The following ULK4 variants were observed in gnomAD, a reference collection of about 807,000 sequenced individuals.
ULK4 encodes the protein unc-51 like kinase 4.
ULK4 carries 133 observed loss-of-function variants against 160.6 expected under a neutral mutation model. That is an observed-to-expected ratio of 0.83 (90% CI 0.72 to 0.96). ULK4 has a LOEUF of 0.96. ULK4 is among the 40% of genes least tolerant of loss of function. The pLI, the probability that ULK4 is intolerant of heterozygous loss-of-function variation, is 0.00. For synonymous variants in ULK4, 534 were observed against 539.8 expected (o/e 0.99, Z 0.15); for missense variants, 1,580 against 1,499.5 (o/e 1.05, Z -0.89).
intron 30 of ULK4, among the ~76,000 whole-genome samples, chr3:41,628,177 C>T (rs750808649): frequency 5.9e-5 from 9 of 152,174 alleles, no homozygotes; most frequent in Non-Finnish European, 7.3e-5. Flanking sequence ...TACAAACTGT[C>T]ACAGGTCTAT....
At chr3:41,798,756 G>A (rs2040372535) in intron 20 of ULK4, among the ~76,000 whole-genome samples, 2 of 151,834 alleles carry the variant, frequency 1.3e-5, no homozygotes, top group South Asian at 4.2e-4. Flanking sequence ...TTGTTGAGGG[G>A]GCAGGGGTGG....
intron 22 of ULK4, among the ~76,000 whole-genome samples, chr3:41,752,950 T>G (rs772373709): frequency 2.5e-4 from 38 of 152,196 alleles, no homozygotes; most frequent in Non-Finnish European, 4.3e-4. Flanking sequence ...TGGTGGCTCA[T>G]GCCTGTAATC....
At chr3:41,773,172 G>A (rs1226014622) in intron 21 of ULK4, among the ~76,000 whole-genome samples, 1 of 152,170 alleles carries the variant, frequency 6.6e-6, no homozygotes, top group Admixed American at 6.5e-5. Context: ...AGACAGGGAT[G>A]CCCTCTCTCA....
At chr3:41,488,480 C>T (rs555881832) in intron 32 of ULK4, among the ~76,000 whole-genome samples, 250 of 152,326 alleles carry the variant, frequency 1.6e-3, no homozygotes, top group African/African-American at 5.7e-3. Flanking sequence ...TTACTTTTAA[C>T]TTCATACGCT....
intron 35 of ULK4, among the ~76,000 whole-genome samples, chr3:41,360,562 A>C (rs2081121790): frequency 6.6e-6 from 1 of 152,248 alleles, no homozygotes; most frequent in African/African-American, 2.4e-5. Flanking sequence ...TGGTACATAT[A>C]CACCATGTAA....
intron 29 of ULK4, among the ~76,000 whole-genome samples, chr3:41,671,862 C>G (rs576704695): frequency 6.5e-4 from 98 of 151,908 alleles, no homozygotes; most frequent in Non-Finnish European, 1.1e-3. Flanking sequence ...AGGAACTCAA[C>G]TCAGCAGTAA....
chr3:41,559,320 G>C lies in ULK4; in HGVS notation c.3226+6705C>G, dbSNP rs193039887. On this transcript the variant is annotated intron_variant, in intron 32 of 36. Transcript: ENST00000301831. ...GTTCCAAGTCTTGCTATTGTGAATA[G>C]TGCTGCAATAAACATACGTGTGCAT... Among the ~76,000 whole-genome samples, 5 of 130,914 alleles carry C rather than the reference G, an allele frequency of 3.8e-5. No homozygotes were observed. The East Asian group carries it at 8.7e-4, about 23-fold the overall frequency. 85.9% of individuals were successfully genotyped at this position (130,914 alleles called of 152,430 possible). A position where few individuals can be genotyped will look rare whatever the true frequency, so the allele number is the denominator to read the frequency against.
At chr3:41,690,062 C>G (rs564540471) in intron 27 of ULK4, among the ~76,000 whole-genome samples, 3 of 147,680 alleles carry the variant, frequency 2.0e-5, no homozygotes, top group East Asian at 1.9e-4. Flanking sequence ...CAATGATAGA[C>G]TGGATTAAGA....
chr3:41,437,012 T>C (rs2083051909), intron 34 of ULK4, among the ~76,000 whole-genome samples: 2 of 152,350 alleles, frequency 1.3e-5, no homozygotes, highest in Admixed American at 1.3e-4. Context: ...TAAAGTTTTA[T>C]GCTCTGCTAA....
chr3:41,695,918 T>C (rs535884343), intron 27 of ULK4, among the ~76,000 whole-genome samples: 42 of 152,168 alleles, frequency 2.8e-4, no homozygotes, highest in South Asian at 1.2e-3. Flanking sequence ...TGAGGGGACA[T>C]AGTGAGAAGT....
chr3:41,267,020 G>T (rs182842169), intron 35 of ULK4, among the ~76,000 whole-genome samples: 2,042 of 131,004 alleles, frequency 0.016, 112 homozygotes, highest in Admixed American at 0.097. Flanking sequence ...GTCTCTATTG[G>T]GGGGGGGGGG....
At chr3:41,354,364 G>A (rs1480609752) in intron 35 of ULK4, among the ~76,000 whole-genome samples, 2 of 152,116 alleles carry the variant, frequency 1.3e-5, no homozygotes, top group East Asian at 1.9e-4. Flanking sequence ...CGTGACAGGG[G>A]CTTCTTTTCC....
At chr3:41,944,582 T>C (rs1279460487) in intron 2 of ULK4, among the ~76,000 whole-genome samples, 1 of 152,120 alleles carries the variant, frequency 6.6e-6, no homozygotes, top group Non-Finnish European at 1.5e-5. Flanking sequence ...CTCTACCTTC[T>C]CCCACTCCCT....
intron 32 of ULK4, among the ~76,000 whole-genome samples, chr3:41,496,249 A>G (rs1348874036): frequency 2.0e-5 from 3 of 152,154 alleles, no homozygotes; most frequent in African/African-American, 7.2e-5. Context: ...TTCAAATTGG[A>G]AACACAATAA....
intron 21 of ULK4, among the ~76,000 whole-genome samples, chr3:41,769,917 C>A (rs532292478): frequency 1.1e-4 from 17 of 152,192 alleles, no homozygotes; most frequent in African/African-American, 4.1e-4. Flanking sequence ...TGATAACAGC[C>A]TGAAAGAAAA....
At chr3:41,584,881 G>A (rs991873693) in intron 31 of ULK4, among the ~76,000 whole-genome samples, 3 of 151,960 alleles carry the variant, frequency 2.0e-5, no homozygotes, top group African/African-American at 4.8e-5. Flanking sequence ...TGAAGAAGAA[G>A]TAAAGAAAAC....
intron 29 of ULK4, among the ~76,000 whole-genome samples, chr3:41,674,015 T>C (rs2035622530): frequency 6.6e-6 from 1 of 152,150 alleles, no homozygotes; most frequent in Non-Finnish European, 1.5e-5. Flanking sequence ...TATATATTTA[T>C]GGAATGAATT....
intron 22 of ULK4, among the ~76,000 whole-genome samples, chr3:41,729,670 T>C (rs2037762506): frequency 6.6e-6 from 1 of 151,976 alleles, no homozygotes; most frequent in South Asian, 2.1e-4. Flanking sequence ...ACTCCGGAGG[T>C]GAGGAGCAGC....
chr3:41,606,656 T>A lies in ULK4; in HGVS notation c.3120+9013A>T, dbSNP rs149648651. On this transcript the variant is annotated intron_variant, in intron 31 of 36. Transcript: ENST00000301831. Reference sequence around the variant, plus strand: ...TTGTTATTTTTTGTCATTTTGATAATAGCCATTCTAATAGAAGTAAGATTC... The same window carrying A: ...TTGTTATTTTTTGTCATTTTGATAAAAGCCATTCTAATAGAAGTAAGATTC... 1.1e-3 allele frequency among the ~76,000 whole-genome samples: 167 copies of A among 152,200 alleles called. 1 individual carries two copies. In the East Asian group the frequency reaches 0.029, roughly 26 times the overall value.
Sources: allele counts gnomAD v4.1 joint callset (sites outside exome capture counted in the v4.1 genomes callset), GRCh38; gene constraint gnomAD v4.1.1; transcripts MANE v1.5; gene names NCBI Gene and HGNC (gene_info 2026-07-23, HGNC 2026-07-21).